FAM120A: variants seen among roughly 807,000 people sequenced by gnomAD.
The protein encoded by FAM120A is family with sequence similarity 120 member A.
FAM120A carries 15 observed loss-of-function variants against 109.7 expected under a neutral mutation model. The observed-to-expected ratio is 0.14, with a 90% CI of 0.09 to 0.21. FAM120A has a LOEUF of 0.21. Among genes scored for constraint, FAM120A ranks in the 10% least tolerant of loss-of-function variants. The pLI is 1.00. For synonymous variants in FAM120A, 493 were observed against 572.8 expected (o/e 0.86, Z 1.99); for missense variants, 899 against 1,439.3 (o/e 0.62, Z 6.07).
intron 5 of FAM120A, among the ~76,000 whole-genome samples, chr9:93,507,901 G>A (rs1186447130): frequency 1.3e-5 from 2 of 152,172 alleles, no homozygotes; most frequent in African/African-American, 4.8e-5. Flanking sequence ...TGGGTGGCAA[G>A]TACCACGCCT....
At chr9:93,512,322 G>C (rs997770836) in intron 5 of FAM120A, among the ~76,000 whole-genome samples, 3 of 152,164 alleles carry the variant, frequency 2.0e-5, no homozygotes, top group Non-Finnish European at 4.4e-5. Flanking sequence ...CCACACAGCT[G>C]CATATAGGCG....
At chr9:93,475,924 A>G (rs1400779727) in intron 2 of FAM120A, among the ~76,000 whole-genome samples, 1 of 152,212 alleles carries the variant, frequency 6.6e-6, no homozygotes, top group Non-Finnish European at 1.5e-5. Context: ...ACAAATGAAA[A>G]CTTGAATCTA....
chr9:93,490,970 A>G (rs1347840865), intron 3 of FAM120A, among the ~76,000 whole-genome samples: 2 of 152,180 alleles, frequency 1.3e-5, no homozygotes, highest in Non-Finnish European at 2.9e-5. Flanking sequence ...TCCTTGTAGT[A>G]TGTAGTATGG....
chr9:93,472,063 C>T (rs1858335506), intron 2 of FAM120A, among the ~76,000 whole-genome samples: 1 of 152,076 alleles, frequency 6.6e-6, no homozygotes, highest in South Asian at 2.1e-4. Context: ...AGTTTGAGAC[C>T]AGCCTGGCCA....
chr9:93,512,744 G>C (rs771692686), intron 5 of FAM120A, among the ~76,000 whole-genome samples: 6 of 152,344 alleles, frequency 3.9e-5, no homozygotes, highest in East Asian at 1.9e-4. Flanking sequence ...TCCGCAGAGG[G>C]AGACCCTGGG....
At chr9:93,511,639 T>C (rs534859887) in intron 5 of FAM120A, among the ~76,000 whole-genome samples, 1 of 152,386 alleles carries the variant, frequency 6.6e-6, no homozygotes, top group East Asian at 1.9e-4. Flanking sequence ...TGTTTGCACA[T>C]GCTTAAAATG....
intron 5 of FAM120A, among the ~76,000 whole-genome samples, chr9:93,511,829 G>C (rs1291456987): frequency 6.6e-6 from 1 of 152,208 alleles, no homozygotes; most frequent in Non-Finnish European, 1.5e-5. Context: ...GTCTCATTCT[G>C]TCACCCAGGC....
intron 12 of FAM120A, among the ~76,000 whole-genome samples, chr9:93,554,542 G>A (rs77988838): frequency 4.5e-4 from 69 of 152,214 alleles, no homozygotes; most frequent in African/African-American, 1.6e-3. Context: ...GCATGGTGGC[G>A]CACGTCTGTA....
chr9:93,546,527 T>TG (rs772290020), intron 11 of FAM120A, among the ~76,000 whole-genome samples: 2 of 152,244 alleles, frequency 1.3e-5, no homozygotes, highest in Non-Finnish European at 2.9e-5. Context: ...CGTGGCCTGC[T>TG]GTGTGTGAGC....
chr9:93,503,810 T>C (rs1157982878), intron 5 of FAM120A, among the ~76,000 whole-genome samples: 2 of 151,666 alleles, frequency 1.3e-5, no homozygotes, highest in African/African-American at 4.9e-5. Context: ...TCAAGATTTT[T>C]GTAACCTTGA....
intron 10 of FAM120A, among the ~76,000 whole-genome samples, chr9:93,539,219 G>A (rs945761160): frequency 2.6e-5 from 4 of 152,006 alleles, no homozygotes; most frequent in Admixed American, 6.5e-5. Context: ...GGATGGTCTC[G>A]ATCTCCTGAC....
intron 14 of FAM120A, 127 bp downstream of exon 14, chr9:93,558,137 C>T: frequency 9.9e-7 from 1 of 1,009,534 alleles, no homozygotes; most frequent in Non-Finnish European, 1.4e-6. Context: ...GATCCTGCAG[C>T]AGCAGTTCTT....
rs927093798 is a variant in FAM120A, at chr9:93,452,750, G to T, written c.474+361G>T. The T allele has an allele frequency of 1.9e-6, 3 of 1,596,868 alleles. No individual in the cohort carries two copies. Among genetic ancestry groups the T allele is most frequent in the Admixed American group, 1.7e-5 (1 of 59,470 alleles). On this transcript the variant is annotated intron_variant, in intron 1 of 17. Transcript: ENST00000277165. This position sits in a 1 kb window ranked among gnomAD's most constrained non-coding sequence, Gnocchi z 7.0. ...CAGGCTATCACTCACCTTCAACTTT[G>T]ACAAAATACTCCCTTTTCTAATTTA... is the stretch of plus-strand genomic sequence containing the variant.
rs778306500 is a variant in FAM120A at position 93,471,260 on chromosome 9, C to T, written c.594C>T (p.Phe198=). ...CACTGTGCAACATCCCCTACTATTTCAGTGCCCATGCCCTAAAACTGAGCC... is the reference window on the plus strand; with the variant it reads ...CACTGTGCAACATCCCCTACTATTTTAGTGCCCATGCCCTAAAACTGAGCC... ...DYALCNIPYY[F]SAHALKLSRN... The change falls in exon 2 of 18, where the codon TTC becomes TTT. Residue 198 remains phenylalanine, a synonymous_variant. Coordinates refer to ENST00000277165, the MANE Select transcript of FAM120A (RefSeq NM_014612.5). The T allele has an allele frequency of 1.2e-6, 2 of 1,614,194 alleles. No individual in the cohort carries two copies. Among genetic ancestry groups the T allele is most frequent in the East Asian group, 2.2e-5 (1 of 44,888 alleles).
Position 93,498,967 on chromosome 9 carries a change from G to T in FAM120A, c.1030+81G>T, listed in dbSNP as rs1859688865. ...TAAATATTCACCATATAATCTTGTA[G>T]GTTTATGTTTTTGAAACATGATTTT... On this transcript the variant is annotated intron_variant, in intron 5 of 17. Transcript: ENST00000277165. The surrounding 1 kb of genome is among the most constrained non-coding windows in gnomAD (Gnocchi z 4.4). The T allele has an allele frequency of 1.0e-6, 1 of 957,110 alleles. No individual in the cohort carries two copies. Among genetic ancestry groups the T allele is most frequent in the Non-Finnish European group, 1.7e-6 (1 of 601,344 alleles). The allele number at this position is 957,110 out of a possible 1,614,324, so 59.3% of individuals were successfully genotyped here.
Position 93,529,389 on chromosome 9 carries a change from C to T in FAM120A, c.1543C>T (p.Leu515=). 1 of 1,612,192 alleles carries T rather than the reference C, an allele frequency of 6.2e-7. No individual in the cohort carries two copies. Among genetic ancestry groups the T allele is most frequent in the Non-Finnish European group, 8.5e-7 (1 of 1,178,940 alleles). ...GSSTASSGSQ[L]AEGKGSQMGT... ...GTCCACTGCCTCTTCAGGAAGCCAA[C>T]TAGCCGAAGGCAAGGGAAGCCAGAT... Residue 515 remains leucine, a synonymous_variant, in exon 9 of 18, where the codon CTA becomes TTA. Coordinates refer to ENST00000277165, the MANE Select transcript of FAM120A (RefSeq NM_014612.5).
intron 1 of FAM120A, among the ~76,000 whole-genome samples, chr9:93,464,162 G>A (rs922251445): frequency 6.6e-6 from 1 of 152,134 alleles, no homozygotes; most frequent in Non-Finnish European, 1.5e-5. Context: ...TTCTTATGGG[G>A]TCTTCCTGTA....
intron 2 of FAM120A, 133 bp downstream of exon 2, chr9:93,471,520 TC>T: frequency 1.9e-6 from 2 of 1,069,072 alleles, no homozygotes; most frequent in South Asian, 1.6e-5. Context: ...CGTGGGCTCT[TC>T]CTTAGCATTC....
In FAM120A at chr9:93,498,325, A is replaced by G. The variant is rs1312815150; in HGVS notation, c.934-465A>G. ...GGAGAATCGCTTGAAACCGTAAGGC[A>G]GAGGCTGCAGTGAGCGGAGATCATG... On this transcript the variant is annotated intron_variant, in intron 4 of 17. Coordinates refer to ENST00000277165, the MANE Select transcript of FAM120A (RefSeq NM_014612.5). The surrounding 1 kb of genome is among the most constrained non-coding windows in gnomAD (Gnocchi z 4.4). Among the ~76,000 whole-genome samples the G allele has an allele frequency of 6.6e-6, 1 of 152,214 alleles. No individual in the cohort carries two copies. The highest frequency in any genetic ancestry group is 1.5e-5 in the Non-Finnish European group (1 of 68,016).
Sources: allele counts gnomAD v4.1 joint callset (sites outside exome capture counted in the v4.1 genomes callset), GRCh38; gene constraint gnomAD v4.1.1; non-coding constraint Gnocchi (gnomAD v3.1); transcripts MANE v1.5; gene names NCBI Gene and HGNC (gene_info 2026-07-23, HGNC 2026-07-21).